INSL6: variants seen among roughly 807,000 people sequenced by gnomAD.
INSL6 encodes insulin-like peptide INSL6.
A neutral mutation model predicts 9.4 loss-of-function variants in INSL6; 16 were observed. That is an observed-to-expected ratio of 1.70 (90% confidence interval 1.15 to 2.59). INSL6 has a LOEUF of 2.59. Ranked by LOEUF, INSL6 falls within the 30% of genes most tolerant of loss-of-function variation. INSL6 has a pLI of 0.00. For synonymous variants in INSL6, 154 were observed against 96.9 expected, an observed-to-expected ratio of 1.59 and a Z score of -3.46; for missense variants, 391 against 257.3, an observed-to-expected ratio of 1.52 and a Z score of -3.56.
intron 1 of INSL6, among the ~76,000 whole-genome samples, chr9:5,167,470 C>CCACAG (rs755508212): frequency 1.8e-4 from 28 of 152,354 alleles, no homozygotes; most frequent in Non-Finnish European, 3.4e-4. Context: ...AGCAATTCCC[C>CCACAG]CACAGCACAG....
At position 5,185,442 on chromosome 9, in the gene INSL6, C is replaced by T. The variant is rs773745265; in HGVS notation, c.161G>A (p.Arg54His). The change falls in exon 1 of 2, where the codon CGT (arginine) becomes CAT (histidine). Residue 54 changes from arginine to histidine, a missense_variant. Coordinates refer to ENST00000381641, the MANE Select transcript of INSL6 (RefSeq NM_007179.3). ...LCGHANWSQFRFEEETPFSRL... is the reference protein window; with the variant it reads ...LCGHANWSQFHFEEETPFSRL... ...TGAGAAAGGGGTTTCCTCCTCGAAA[C>T]GGAACTGGCTCCAGTTGGCATGGCC... The T allele has an allele frequency of 2.5e-6, 4 of 1,614,170 alleles. No homozygotes were observed. In the South Asian group the frequency reaches 3.3e-5, roughly 13 times the overall value.
exon 4 of INSL6, among the ~76,000 whole-genome samples, chr9:5,124,454 T>C (rs1248301128): frequency 6.6e-6 from 1 of 151,734 alleles, no homozygotes; most frequent in Non-Finnish European, 1.5e-5. Context: ...GCACCATTTA[T>C]TGAAAAGGGT....
intron 2 of INSL6, among the ~76,000 whole-genome samples, chr9:5,143,367 T>C (rs558171173): frequency 6.6e-6 from 1 of 152,130 alleles, no homozygotes; most frequent in South Asian, 2.1e-4. Context: ...ACTTCAGAGC[T>C]TGTTAGTGGT....
the INSL6 span, chr9:5,086,045 C>T: frequency 9.3e-6 from 7 of 748,776 alleles, no homozygotes; most frequent in African/African-American, 1.7e-5. Context: ...GTGTTAAATG[C>T]TTCACAAGAT....
At chr9:5,101,324 G>A in the INSL6 span, among the ~76,000 whole-genome samples, 4 of 152,262 alleles carry the variant, frequency 2.6e-5, no homozygotes, top group Admixed American at 2.6e-4. Context: ...CAGCCTGGCA[G>A]GCGGAGGGGC....
chr9:5,143,160 G>C (rs896438242), intron 2 of INSL6, among the ~76,000 whole-genome samples: 1 of 151,574 alleles, frequency 6.6e-6, no homozygotes, highest in Non-Finnish European at 1.5e-5. Context: ...TCTTTTTTTT[G>C]TATTTCTGCC....
rs190544973 is a variant in INSL6 at position 5,136,273 on chromosome 9, G to A, written c.377-2681C>T. Among the ~76,000 whole-genome samples the A allele has an allele frequency of 2.7e-3, 406 of 152,266 alleles. 2 individuals are homozygous for A. The highest frequency in any genetic ancestry group is 6.8e-3 in the Middle Eastern group (2 of 294). ...GAATCCTCCCTAACTCATTTTATGA[G>A]GCCAGCATCATCCTGATACCAAAAC... is the stretch of plus-strand genomic sequence containing the variant. On this transcript the variant is annotated intron_variant, in intron 2 of 3. Transcript: ENST00000649639.
chr9:4,998,639 A>G, the INSL6 span, among the ~76,000 whole-genome samples: 37,644 of 151,776 alleles, frequency 0.25, 4,913 homozygotes, highest in South Asian at 0.32. Context: ...GTGAATTATA[A>G]ATCTGGCTTT....
At chr9:5,051,226 G>C in the INSL6 span, among the ~76,000 whole-genome samples, 1 of 152,150 alleles carries the variant, frequency 6.6e-6, no homozygotes, top group African/African-American at 2.4e-5. Flanking sequence ...ATTATTTAAA[G>C]AGTTGTACTA....
the INSL6 span, among the ~76,000 whole-genome samples, chr9:5,062,994 G>A: frequency 6.6e-6 from 1 of 152,000 alleles, no homozygotes; most frequent in African/African-American, 2.4e-5. Context: ...TAATCTCCAA[G>A]TCTTTTAATT....
intron 2 of INSL6, among the ~76,000 whole-genome samples, chr9:5,143,218 G>T (rs969659093): frequency 2.1e-4 from 31 of 149,456 alleles, no homozygotes; most frequent in Non-Finnish European, 1.3e-4. Context: ...GAGTTACAGA[G>T]GAGTTCCTTC....
intron 2 of INSL6, among the ~76,000 whole-genome samples, chr9:5,147,181 G>A (rs1824616280): frequency 6.6e-6 from 1 of 152,114 alleles, no homozygotes; most frequent in South Asian, 2.1e-4. Flanking sequence ...ACCCCAGAGT[G>A]ATGTGGGTCA....
chr9:4,992,104 G>T, the INSL6 span, among the ~76,000 whole-genome samples: 2 of 152,272 alleles, frequency 1.3e-5, no homozygotes, highest in Non-Finnish European at 2.9e-5. Flanking sequence ...GGGAAGAATT[G>T]CCAGCCAGGG....
chr9:5,051,359 T>A, the INSL6 span, among the ~76,000 whole-genome samples: 3 of 152,132 alleles, frequency 2.0e-5, no homozygotes, highest in African/African-American at 7.2e-5. Flanking sequence ...GATCCTCCAG[T>A]TGGCTATATA....
the INSL6 span, among the ~76,000 whole-genome samples, chr9:5,000,066 T>C: frequency 6.6e-6 from 1 of 152,228 alleles, no homozygotes; most frequent in Non-Finnish European, 1.5e-5. Context: ...ATTTCTTTTG[T>C]GAAATGCCTA....
chr9:5,022,754 T>C, the INSL6 span, among the ~76,000 whole-genome samples: 2 of 152,206 alleles, frequency 1.3e-5, no homozygotes, highest in African/African-American at 4.8e-5. Context: ...CAGAGAACTC[T>C]TTCTATAGAG....
At chr9:5,002,063 C>T in the INSL6 span, among the ~76,000 whole-genome samples, 1 of 151,618 alleles carries the variant, frequency 6.6e-6, no homozygotes, top group Non-Finnish European at 1.5e-5. Flanking sequence ...AATATGTGTT[C>T]TTTTCTGTTT....
intron 3 of INSL6, among the ~76,000 whole-genome samples, chr9:5,130,722 T>TAA (rs1564032854): frequency 6.6e-6 from 1 of 150,912 alleles, no homozygotes; most frequent in African/African-American, 2.4e-5. Flanking sequence ...TTTTTTTATT[T>TAA]TTTATTTTTT....
chr9:5,037,336 AC>A, the INSL6 span, among the ~76,000 whole-genome samples: 1 of 152,142 alleles, frequency 6.6e-6, no homozygotes, highest in African/African-American at 2.4e-5. Context: ...ATACCATTTG[AC>A]CCAGCCATCC....
Sources: gnomAD v4.1 joint callset for allele counts (sites outside exome capture counted in the v4.1 genomes callset) on GRCh38, gnomAD v4.1.1 for gene constraint, MANE v1.5 for transcripts, NCBI Gene and HGNC (gene_info 2026-07-23, HGNC 2026-07-21) for gene names.